GPHN: variants seen among roughly 807,000 people sequenced by gnomAD.
GPHN encodes gephyrin.
Under a neutral mutation model 95.5 loss-of-function variants are expected in GPHN, and 17 were observed. The observed-to-expected ratio is 0.18, with a 90% CI of 0.12 to 0.27. The LOEUF is 0.27. Among genes scored for constraint, GPHN ranks in the 10% least tolerant of loss-of-function variants. The probability of loss-of-function intolerance (pLI) is 1.00; values close to 1 mark genes in which losing one functional copy is unlikely to be tolerated. For missense variants in GPHN, 660 were observed against 978.1 expected (o/e 0.67, Z 4.34); for synonymous variants, 320 against 322.5 (o/e 0.99, Z 0.08).
the GPHN span, among the ~76,000 whole-genome samples, chr14:67,643,329 G>C: frequency 6.6e-6 from 1 of 152,240 alleles, no homozygotes; most frequent in Non-Finnish European, 1.5e-5. Context: ...AAAGGAGGAA[G>C]AGATCAGTCT....
intron 3 of GPHN, among the ~76,000 whole-genome samples, chr14:66,782,857 A>G (rs1227327816): frequency 3.3e-5 from 5 of 152,050 alleles, no homozygotes; most frequent in Non-Finnish European, 5.9e-5. Context: ...AAACAAAAAA[A>G]CCAAAAGAAA....
At chr14:67,298,067 G>A in the GPHN span, among the ~76,000 whole-genome samples, 1 of 152,092 alleles carries the variant, frequency 6.6e-6, no homozygotes, top group East Asian at 1.9e-4. Context: ...TAAGGCATAA[G>A]GAATGCCAGG....
chr14:67,169,320 A>G (rs1046766385), intron 21 of GPHN, among the ~76,000 whole-genome samples: 2 of 152,198 alleles, frequency 1.3e-5, no homozygotes, highest in African/African-American at 2.4e-5. Flanking sequence ...AAAACAGTCA[A>G]TAGGATATAT....
At chr14:66,870,979 A>C (rs954654975) in intron 4 of GPHN, among the ~76,000 whole-genome samples, 1 of 152,230 alleles carries the variant, frequency 6.6e-6, no homozygotes, top group Non-Finnish European at 1.5e-5. Context: ...TGAGGCATTC[A>C]AAGTAGATCA....
intron 8 of GPHN, among the ~76,000 whole-genome samples, chr14:66,961,929 TATATATATATATATATATACAC>T (rs1401584593): frequency 4.0e-5 from 3 of 74,892 alleles, no homozygotes; most frequent in African/African-American, 2.9e-4. Flanking sequence ...TATATATATA[TATATATATATATATATATACAC>T]ATATCTCCCA....
the GPHN span, chr14:67,335,829 T>G: frequency 1.8e-4 from 27 of 152,414 alleles, 1 homozygote; most frequent in East Asian, 4.0e-3. Context: ...ACTAAGCAAT[T>G]TCTCTTGCTA....
chr14:67,148,373 T>C (rs1229340550), intron 18 of GPHN, among the ~76,000 whole-genome samples: 3 of 152,204 alleles, frequency 2.0e-5, no homozygotes, highest in East Asian at 3.9e-4. Context: ...TCAAACACAG[T>C]TACTAGAAAC....
chr14:66,542,285 T>C (rs1193704700), intron 1 of GPHN, among the ~76,000 whole-genome samples: 3 of 152,182 alleles, frequency 2.0e-5, no homozygotes, highest in Non-Finnish European at 4.4e-5. Context: ...ATTCATATTG[T>C]ATTTTCCTAG....
chr14:66,993,272 A>C (rs2071555001), intron 9 of GPHN, among the ~76,000 whole-genome samples: 1 of 152,128 alleles, frequency 6.6e-6, no homozygotes, highest in Non-Finnish European at 1.5e-5. Context: ...ACACACACAC[A>C]TACACACAAA....
chr14:67,223,666 A>G, the GPHN span: 6 of 912,766 alleles, frequency 6.6e-6, no homozygotes, highest in Non-Finnish European at 7.9e-6. Context: ...CAAAGTATTA[A>G]TTATTTTCCC....
chr14:67,224,783 T>C, the GPHN span: 2 of 247,614 alleles, frequency 8.1e-6, no homozygotes, highest in South Asian at 9.2e-5. Context: ...TACCCATCTT[T>C]CTTTTCCATG....
At chr14:67,619,225 AAT>A in the GPHN span, among the ~76,000 whole-genome samples, 6 of 152,346 alleles carry the variant, frequency 3.9e-5, no homozygotes, top group African/African-American at 1.4e-4. Context: ...TTAGCTTAGA[AAT>A]AGTCTAAATA....
chr14:67,560,567 T>C, the GPHN span, among the ~76,000 whole-genome samples: 1 of 152,136 alleles, frequency 6.6e-6, no homozygotes, highest in Non-Finnish European at 1.5e-5. Context: ...TATTCCACCT[T>C]CCCTCTCTAT....
the GPHN span, among the ~76,000 whole-genome samples, chr14:67,542,762 G>A: frequency 2.2e-3 from 337 of 152,116 alleles, 1 homozygote; most frequent in African/African-American, 7.9e-3. Flanking sequence ...GTGCAATGGC[G>A]CCATCGCAGC....
chr14:67,181,165 T>C lies in GPHN; in HGVS notation c.*228T>C. 2 of 573,016 alleles carry C rather than the reference T, an allele frequency of 3.5e-6. No individual in the cohort carries two copies. The highest frequency in any genetic ancestry group is 4.7e-4 in the Middle Eastern group (1 of 2,112). 35.5% of individuals were successfully genotyped at this position (573,016 alleles called of 1,614,324 possible). ...TGATTATATCAAGGCAAATTTTTCCTTTCTTGCAAATTGCTTTGTGTGTTC... is the reference window on the plus strand; with the variant it reads ...TGATTATATCAAGGCAAATTTTTCCCTTCTTGCAAATTGCTTTGTGTGTTC... On this transcript the variant is annotated 3_prime_UTR_variant, in exon 23 of 23. Coordinates refer to ENST00000478722, the MANE Select transcript of GPHN (RefSeq NM_020806.5).
intron 4 of GPHN, among the ~76,000 whole-genome samples, chr14:66,826,421 A>G (rs181178300): frequency 1.3e-5 from 2 of 152,088 alleles, no homozygotes; most frequent in African/African-American, 4.8e-5. Flanking sequence ...TTAAATTCTG[A>G]CACTACCTAC....
At chr14:67,108,453 A>G (rs2153684155) in intron 13 of GPHN, among the ~76,000 whole-genome samples, 1 of 151,004 alleles carries the variant, frequency 6.6e-6, no homozygotes, top group Middle Eastern at 3.4e-3. Flanking sequence ...GTAGAGAATG[A>G]TGATGTGATC....
chr14:66,842,009 C>T (rs1415678336), intron 4 of GPHN, among the ~76,000 whole-genome samples: 1 of 152,028 alleles, frequency 6.6e-6, no homozygotes, highest in Non-Finnish European at 1.5e-5. Context: ...GCTGAGATTG[C>T]ACCACTGCAC....
chr14:67,574,480 G>T, the GPHN span: 2 of 1,238,368 alleles, frequency 1.6e-6, no homozygotes, highest in Admixed American at 3.2e-5. This position sits in a 1 kb window ranked among gnomAD's most constrained non-coding sequence, Gnocchi z 4.2. Flanking sequence ...TGCCGAGGGT[G>T]GTGGGTTCCC....
Sources: allele counts gnomAD v4.1 joint callset (sites outside exome capture counted in the v4.1 genomes callset), GRCh38; gene constraint gnomAD v4.1.1; non-coding constraint Gnocchi (gnomAD v3.1); transcripts MANE v1.5; gene names NCBI Gene and HGNC (gene_info 2026-07-23, HGNC 2026-07-21).